The following DLG2 variants were observed in gnomAD, a reference collection of about 807,000 sequenced individuals.
DLG2 encodes the protein disks large homolog 2.
In DLG2, 45 loss-of-function variants were observed where a neutral mutation model predicts 132.5. That is an observed-to-expected ratio of 0.34 (90% CI 0.27 to 0.44). The LOEUF is 0.44. DLG2 is among the 20% of genes least tolerant of loss of function. DLG2 has a pLI of 1.00. For missense variants in DLG2, 1,045 were observed against 1,196.9 expected (o/e 0.87, Z 1.87); for synonymous variants, 424 against 419.6 (o/e 1.01, Z -0.13).
intron 19 of DLG2, among the ~76,000 whole-genome samples, chr11:83,590,191 T>G (rs1403379134): frequency 4.0e-5 from 6 of 149,294 alleles, no homozygotes; most frequent in Non-Finnish European, 6.0e-5. Context: ...ATATACATTT[T>G]TTTCAGCACC....
In DLG2 at chr11:83,483,093, C is replaced by T. The variant is rs1023573514; in HGVS notation, c.2293+1036G>A. The stretch of plus-strand genomic sequence containing the variant: ...ATGCTGACATGCAGAACAAAACGAT[C>T]GAAAGTTACTTTGTAGGAGCATTCA... On this transcript the variant is annotated intron_variant, in intron 22 of 27. Transcript: ENST00000376104. Among the ~76,000 whole-genome samples the T allele has an allele frequency of 7.2e-5, 11 of 151,952 alleles. No homozygotes were observed. In the East Asian group the frequency reaches 7.7e-4, roughly 11 times the overall value.
In DLG2 at chr11:84,896,258, C is replaced by T. The variant is rs76906640; in HGVS notation, c.357+215403G>A. Among the ~76,000 whole-genome samples the T allele has an allele frequency of 5.9e-3, 904 of 152,112 alleles. 6 individuals are homozygous for T. The highest frequency in any genetic ancestry group is 0.013 in the African/African-American group (550 of 41,534). ...CCAAACTTATATGCAAATTCTACAA[C>T]GAGCAGAGGGTCCACTAATATTGTG... On this transcript the variant is annotated intron_variant, in intron 6 of 27. Coordinates refer to ENST00000376104, the MANE Select transcript of DLG2 (RefSeq NM_001142699.3).
chr11:83,837,206 A>C (rs2056421328), intron 16 of DLG2, among the ~76,000 whole-genome samples: 1 of 152,118 alleles, frequency 6.6e-6, no homozygotes, highest in South Asian at 2.1e-4. Context: ...GTGGAAGTTA[A>C]GCTTCTTGCT....
At chr11:83,558,799 G>T (rs775972847) in intron 19 of DLG2, among the ~76,000 whole-genome samples, 1 of 151,438 alleles carries the variant, frequency 6.6e-6, no homozygotes, top group Non-Finnish European at 1.5e-5. Flanking sequence ...CATTTACCCA[G>T]CATACATGAA....
rs548350116 is a variant in DLG2 at position 84,099,068 on chromosome 11, T to C, written c.625-21A>G. ...TTCCCCTATAGAAACAAAAAGCAGATATTAAATGATGTGTCTGTCACCTAA... is the reference window on the plus strand; with the variant it reads ...TTCCCCTATAGAAACAAAAAGCAGACATTAAATGATGTGTCTGTCACCTAA... On this transcript the variant is annotated intron_variant, in intron 9 of 27. Transcript: ENST00000376104. 22 of 1,609,610 alleles carry C rather than the reference T, an allele frequency of 1.4e-5. No homozygotes were observed. In the South Asian group the frequency reaches 2.1e-4, roughly 15 times the overall value.
intron 7 of DLG2, among the ~76,000 whole-genome samples, chr11:84,438,419 G>A (rs2099007435): frequency 6.6e-6 from 1 of 151,456 alleles, no homozygotes; most frequent in Non-Finnish European, 1.5e-5. Flanking sequence ...GATGGACAGG[G>A]GTTCAAATCG....
chr11:84,464,002 A>G (rs1472732005), intron 7 of DLG2, among the ~76,000 whole-genome samples: 1 of 151,280 alleles, frequency 6.6e-6, no homozygotes, highest in East Asian at 1.9e-4. Context: ...ATACAGCAAC[A>G]TACATCAAAT....
At chr11:85,296,032 T>G (rs918136830) in intron 3 of DLG2, among the ~76,000 whole-genome samples, 1 of 152,150 alleles carries the variant, frequency 6.6e-6, no homozygotes, top group Non-Finnish European at 1.5e-5. Flanking sequence ...AGATTTGCTT[T>G]TTACATGCTG....
At chr11:84,868,047 C>T (rs1253645251) in intron 6 of DLG2, among the ~76,000 whole-genome samples, 3 of 150,824 alleles carry the variant, frequency 2.0e-5, no homozygotes, top group Non-Finnish European at 4.4e-5. Flanking sequence ...GCACTCCAGC[C>T]TGGGCAACAA....
At chr11:84,598,255 AG>A (rs1369772776) in intron 6 of DLG2, among the ~76,000 whole-genome samples, 1 of 152,206 alleles carries the variant, frequency 6.6e-6, no homozygotes, top group Non-Finnish European at 1.5e-5. Flanking sequence ...TGCAGGATCT[AG>A]GTGTAGATTA....
intron 8 of DLG2, among the ~76,000 whole-genome samples, chr11:84,249,394 G>A (rs537305995): frequency 6.6e-6 from 1 of 152,262 alleles, no homozygotes; most frequent in African/African-American, 2.4e-5. Context: ...ACAAGGGAGG[G>A]AAGAAAGAAA....
chr11:85,195,532 T>G (rs1055823457), intron 4 of DLG2, among the ~76,000 whole-genome samples: 1 of 151,234 alleles, frequency 6.6e-6, no homozygotes, highest in Non-Finnish European at 1.5e-5. Flanking sequence ...TGTTTTTTTT[T>G]TTTTTTTTTG....
At chr11:83,475,148 C>A (rs2092486781) in intron 22 of DLG2, among the ~76,000 whole-genome samples, 2 of 152,120 alleles carry the variant, frequency 1.3e-5, no homozygotes, top group African/African-American at 4.8e-5. Flanking sequence ...ACCCAGGAAG[C>A]CTGTGGGGAA....
chr11:85,491,799 T>C (rs1010374656), intron 3 of DLG2, among the ~76,000 whole-genome samples: 4 of 152,112 alleles, frequency 2.6e-5, no homozygotes, highest in Non-Finnish European at 4.4e-5. Flanking sequence ...GAAGTATTAG[T>C]ATTATTAAAA....
chr11:85,502,111 C>T (rs575405926), intron 3 of DLG2, among the ~76,000 whole-genome samples: 47 of 152,052 alleles, frequency 3.1e-4, no homozygotes, highest in African/African-American at 1.0e-3. Context: ...AGTTAATGTC[C>T]TTTGCAGGGA....
At chr11:84,196,154 T>C (rs2096512179) in intron 8 of DLG2, among the ~76,000 whole-genome samples, 2 of 152,228 alleles carry the variant, frequency 1.3e-5, no homozygotes, top group African/African-American at 2.4e-5. Context: ...CTTCATTCTT[T>C]TGAGTGCTTT....
intron 5 of DLG2, among the ~76,000 whole-genome samples, chr11:85,128,324 T>C (rs1038891229): frequency 1.3e-5 from 2 of 152,138 alleles, no homozygotes; most frequent in Non-Finnish European, 2.9e-5. Flanking sequence ...ACCTAAACAA[T>C]TTTATCTTCA....
intron 7 of DLG2, among the ~76,000 whole-genome samples, chr11:84,365,501 C>T (rs1260683524): frequency 4.6e-5 from 7 of 151,848 alleles, no homozygotes; most frequent in African/African-American, 1.7e-4. Context: ...TTTTTTATGT[C>T]TCTATTTCCT....
chr11:84,723,095 G>C (rs1338377280), intron 6 of DLG2, among the ~76,000 whole-genome samples: 3 of 152,138 alleles, frequency 2.0e-5, no homozygotes, highest in Non-Finnish European at 4.4e-5. Context: ...ATTACGGCTG[G>C]TTTTTCCAAG....
Sources: gnomAD v4.1 joint callset for allele counts (sites outside exome capture counted in the v4.1 genomes callset) on GRCh38, gnomAD v4.1.1 for gene constraint, MANE v1.5 for transcripts, NCBI Gene and HGNC (gene_info 2026-07-23, HGNC 2026-07-21) for gene names.